MYO18B: variants seen among roughly 807,000 people sequenced by gnomAD.
MYO18B encodes unconventional myosin-XVIIIb.
In MYO18B, 204 loss-of-function variants were observed where a neutral mutation model predicts 273.0. The ratio of observed to expected loss-of-function variants is 0.75; its 90% CI spans 0.67 to 0.84. The LOEUF (loss-of-function observed/expected upper bound fraction) is 0.84. Ranked by LOEUF, MYO18B falls within the 40% of genes least tolerant of loss-of-function variation. The pLI is 0.00. For synonymous variants in MYO18B, 1,330 were observed against 1,305.7 expected, an observed-to-expected ratio of 1.02 and a Z score of -0.40; for missense variants, 3,212 against 3,287.6, an observed-to-expected ratio of 0.98 and a Z score of 0.56.
intron 39 of MYO18B, among the ~76,000 whole-genome samples, chr22:25,991,948 C>T (rs1199958030): frequency 6.6e-6 from 1 of 152,178 alleles, no homozygotes; most frequent in Non-Finnish European, 1.5e-5. Flanking sequence ...CCCATGACCT[C>T]CTGCACCAGA....
intron 42 of MYO18B, among the ~76,000 whole-genome samples, chr22:26,020,351 A>C (rs1489357482): frequency 1.3e-5 from 2 of 152,048 alleles, no homozygotes; most frequent in Non-Finnish European, 2.9e-5. Flanking sequence ...GGTATGGTCC[A>C]AGCAGGAGAC....
In MYO18B at chr22:25,938,282, C is replaced by T. The variant is rs79778354; in HGVS notation, c.5518-7855C>T. Among the ~76,000 whole-genome samples, 479 of 152,264 alleles carry T rather than the reference C, an allele frequency of 3.1e-3. 1 individual carries two copies. The highest frequency in any genetic ancestry group is 0.011 in the African/African-American group (443 of 41,524). ...GGTATTTAAAGCAGGCAGATGGCTT[C>T]GCATAGAGAAGTAATGCTATTCAAC... On this transcript the variant is annotated intron_variant, in intron 34 of 43. Coordinates refer to ENST00000335473, the MANE Select transcript of MYO18B (RefSeq NM_032608.7).
the MYO18B span, among the ~76,000 whole-genome samples, chr22:26,037,662 C>T: frequency 6.6e-6 from 1 of 152,202 alleles, no homozygotes; most frequent in East Asian, 1.9e-4. Flanking sequence ...AAGCGACCTA[C>T]CTCAAAAATG....
intron 21 of MYO18B, among the ~76,000 whole-genome samples, chr22:25,861,348 T>C (rs1569122230): frequency 6.6e-6 from 1 of 152,262 alleles, no homozygotes; most frequent in Non-Finnish European, 1.5e-5. Context: ...TATAATGCCG[T>C]ATCTTCTGGA....
chr22:25,841,843 A>G (rs1483385194), intron 17 of MYO18B, among the ~76,000 whole-genome samples: 1 of 152,202 alleles, frequency 6.6e-6, no homozygotes, highest in Non-Finnish European at 1.5e-5. Context: ...AGCCAGGTAA[A>G]CAGATACCTG....
the MYO18B span, among the ~76,000 whole-genome samples, chr22:26,046,010 T>C: frequency 6.6e-6 from 1 of 152,252 alleles, no homozygotes; most frequent in Non-Finnish European, 1.5e-5. Flanking sequence ...CTGCTACTGC[T>C]GAATAAATAA....
Position 25,757,122 on chromosome 22 carries a change from T to A in MYO18B, c.-109-3862T>A, listed in dbSNP as rs575885342. Among the ~76,000 whole-genome samples the A allele has an allele frequency of 1.0e-3, 157 of 152,306 alleles. 1 individual carries two copies. Among genetic ancestry groups the A allele is most frequent in the Admixed American group, 2.8e-3 (43 of 15,296 alleles). ...GTCATATAGTGCTATAGAACACTAG[T>A]ACTTACAAAAGCTTTACATACGCCT... On this transcript the variant is annotated intron_variant, in intron 1 of 43. Transcript: ENST00000335473.
At chr22:25,806,287 G>A (rs1057440509) in intron 12 of MYO18B, among the ~76,000 whole-genome samples, 6 of 152,162 alleles carry the variant, frequency 3.9e-5, no homozygotes, top group Admixed American at 1.3e-4. Context: ...ACAACCACTC[G>A]GCTACTGTGG....
chr22:25,859,335 A>G (rs1436764045), intron 21 of MYO18B, among the ~76,000 whole-genome samples: 1 of 152,216 alleles, frequency 6.6e-6, no homozygotes, highest in Non-Finnish European at 1.5e-5. Flanking sequence ...ACATTTGCAT[A>G]TCAGTCTTTG....
chr22:26,047,327 C>T, the MYO18B span, among the ~76,000 whole-genome samples: 2 of 152,032 alleles, frequency 1.3e-5, no homozygotes, highest in African/African-American at 2.4e-5. Context: ...GGGGTTTCAC[C>T]GTGTTAGCCA....
At chr22:26,004,891 T>C (rs773923870) in intron 42 of MYO18B, 36 bp downstream of exon 42, 2 of 1,610,534 alleles carry the variant, frequency 1.2e-6, no homozygotes, top group South Asian at 1.1e-5. Context: ...GGATGGCTAA[T>C]AGCTTGAAGA....
At chr22:26,056,183 C>T in the MYO18B span, among the ~76,000 whole-genome samples, 1 of 152,186 alleles carries the variant, frequency 6.6e-6, no homozygotes, top group Non-Finnish European at 1.5e-5. Context: ...TTGAAATCCT[C>T]AGCCGTAGCT....
chr22:25,785,669 A>G (rs1192556348), intron 11 of MYO18B, among the ~76,000 whole-genome samples, 178 bp downstream of exon 11: 2 of 152,098 alleles, frequency 1.3e-5, no homozygotes, highest in Non-Finnish European at 2.9e-5. Flanking sequence ...GGTAAAGAAG[A>G]CTCAGACAAA....
chr22:25,743,917 C>T (rs867337186), intron 1 of MYO18B, among the ~76,000 whole-genome samples: 3 of 152,092 alleles, frequency 2.0e-5, no homozygotes, highest in Non-Finnish European at 2.9e-5. Flanking sequence ...GGGCAGGAGG[C>T]GGGGGGCTGT....
chr22:26,033,684 G>A (rs549460744), downstream of MYO18B, among the ~76,000 whole-genome samples: 1 of 152,042 alleles, frequency 6.6e-6, no homozygotes, highest in Admixed American at 6.5e-5. Context: ...TGGAGCAGAA[G>A]GTACTTACTC....
rs753610115 is a variant in MYO18B, at chr22:25,785,511, C to A, written c.2376+20C>A. 1 of 1,608,798 alleles carries A rather than the reference C, an allele frequency of 6.2e-7. No individual in the cohort carries two copies. Among genetic ancestry groups the A allele is most frequent in the Non-Finnish European group, 8.5e-7 (1 of 1,177,466 alleles). ...TCCAAGGTAAGGAGGAGGTCCCTCA[C>A]GGGTGGGATGTGAGTCTGTGTCTGG... On this transcript the variant is annotated intron_variant, in intron 11 of 43. Coordinates refer to ENST00000335473, the MANE Select transcript of MYO18B (RefSeq NM_032608.7).
At position 25,960,080 on chromosome 22, in the gene MYO18B, ACT is replaced by A; in HGVS notation, c.6156+4721_6156+4722del. Among the ~76,000 whole-genome samples, 2 of 151,598 alleles carry A rather than the reference ACT, an allele frequency of 1.3e-5. 1 individual carries two copies. Among genetic ancestry groups the A allele is most frequent in the East Asian group, 3.9e-4 (2 of 5,166 alleles). On this transcript the variant is annotated intron_variant, in intron 39 of 43. Transcript: ENST00000335473. ...TGTGAATGATTTATACCCCCAGCTGACTCTCTGGCACATCCAGATCAGGATCA... is the reference window on the plus strand; with the variant it reads ...TGTGAATGATTTATACCCCCAGCTGACTCTGGCACATCCAGATCAGGATCA...
intron 38 of MYO18B, 45 bp from the exon 39 acceptor site, chr22:25,955,134 C>T (rs1052455048): frequency 2.0e-6 from 3 of 1,516,900 alleles, no homozygotes; most frequent in South Asian, 1.3e-5. Context: ...TTTCATACCC[C>T]TGGCCTCCAA....
At chr22:25,895,122 C>G (rs1285767698) in intron 27 of MYO18B, 34 bp from the exon 28 acceptor site, 7 of 1,605,778 alleles carry the variant, frequency 4.4e-6, no homozygotes, top group Non-Finnish European at 6.0e-6. Flanking sequence ...CTCATTTGGC[C>G]TCTTATCCTG....
Sources: allele counts gnomAD v4.1 joint callset (sites outside exome capture counted in the v4.1 genomes callset), GRCh38; gene constraint gnomAD v4.1.1; transcripts MANE v1.5; gene names NCBI Gene and HGNC (gene_info 2026-07-23, HGNC 2026-07-21).